The following JOSD1 variants were observed in gnomAD, a reference collection of about 807,000 sequenced individuals.
The protein encoded by JOSD1 is Josephin domain containing 1.
A neutral mutation model predicts 24.3 loss-of-function variants in JOSD1; 11 were observed. That is an observed-to-expected ratio of 0.45 (90% CI 0.29 to 0.75). The LOEUF (loss-of-function observed/expected upper bound fraction) is 0.75. Among genes scored for constraint, JOSD1 ranks in the 30% least tolerant of loss-of-function variants. The pLI is 0.11. For missense variants in JOSD1, 184 were observed against 253.5 expected, an observed-to-expected ratio of 0.73 and a Z score of 1.86; for synonymous variants, 106 against 93.8, an observed-to-expected ratio of 1.13 and a Z score of -0.75.
intron 2 of JOSD1, among the ~76,000 whole-genome samples, chr22:38,694,443 C>T (rs2092536159): frequency 6.6e-6 from 1 of 152,194 alleles, no homozygotes; most frequent in African/African-American, 2.4e-5. Context: ...TCTTGAGACT[C>T]CTTGGCAAAC....
intron 2 of JOSD1, among the ~76,000 whole-genome samples, chr22:38,692,836 A>G (rs1424297107): frequency 6.6e-6 from 1 of 151,838 alleles, no homozygotes; most frequent in African/African-American, 2.4e-5. Flanking sequence ...AACACATATG[A>G]AAGAAGGCCT....
intron 2 of JOSD1, among the ~76,000 whole-genome samples, chr22:38,699,097 A>G (rs1347536563): frequency 6.6e-6 from 1 of 152,222 alleles, no homozygotes; most frequent in Non-Finnish European, 1.5e-5. Flanking sequence ...TAAGTGGGTA[A>G]GAAAGGCCAT....
At chr22:38,693,399 G>C (rs541030720) in intron 2 of JOSD1, among the ~76,000 whole-genome samples, 2 of 152,050 alleles carry the variant, frequency 1.3e-5, no homozygotes, top group African/African-American at 4.8e-5. Flanking sequence ...GCTTCCAAGC[G>C]CTCCTTCCAC....
chr22:38,692,688 G>C (rs954225071), intron 2 of JOSD1, among the ~76,000 whole-genome samples: 1 of 150,328 alleles, frequency 6.7e-6, no homozygotes, highest in Non-Finnish European at 1.5e-5. Flanking sequence ...GGCTGAGGCA[G>C]GAGGATCGCT....
At position 38,687,930 on chromosome 22, in the gene JOSD1, G is replaced by A; in HGVS notation, c.581C>T (p.Ala194Val). The A allele has an allele frequency of 6.2e-7, 1 of 1,613,658 alleles. No homozygotes were observed. The highest frequency in any genetic ancestry group is 8.5e-7 in the Non-Finnish European group (1 of 1,179,536). Residue 194 changes from alanine to valine, a missense_variant, in exon 5 of 5, where the codon GCT (alanine) becomes GTT (valine). Coordinates refer to ENST00000683374, the MANE Select transcript of JOSD1 (RefSeq NM_001360236.2). ...CACATCGGTCCTCCAACTCTGATGA[G>A]CCTCTACCTCTTCTGGTACCACCAG... ...LLLVVPEEVE[A>V]HQSWRTDV
intron 2 of JOSD1, among the ~76,000 whole-genome samples, chr22:38,692,802 AAAAG>A (rs1374054947): frequency 9.3e-5 from 14 of 150,682 alleles, no homozygotes; most frequent in African/African-American, 1.5e-4. Context: ...AAAAAAAAAA[AAAAG>A]AAAGAAAAAA....
At chr22:38,696,299 G>A (rs116627396) in intron 2 of JOSD1, among the ~76,000 whole-genome samples, 2,898 of 151,502 alleles carry the variant, frequency 0.019, 105 homozygotes, top group African/African-American at 0.067. Context: ...GTACAGTGGT[G>A]CGATCTTGGC....
At position 38,688,977 on chromosome 22, in the gene JOSD1, T is replaced by C; in HGVS notation, c.467A>G (p.Lys156Arg). 4.3e-6 allele frequency: 7 copies of C among 1,614,088 alleles called. No individual in the cohort carries two copies. The highest frequency in any genetic ancestry group is 5.1e-6 in the Non-Finnish European group (6 of 1,180,014). ...TCCAATCCACTCGGGCATCTTGAGTTTGGAGTCGAGGTTGTAGTAGGCCCC... is the reference window on the plus strand; with the variant it reads ...TCCAATCCACTCGGGCATCTTGAGTCTGGAGTCGAGGTTGTAGTAGGCCCC... ...VGGAYYNLDSKLKMPEWIGGE... is the reference protein window; with the variant it reads ...VGGAYYNLDSRLKMPEWIGGE... The change falls in exon 4 of 5, where the codon AAA (lysine) becomes AGA (arginine). Residue 156 changes from lysine (K) to arginine (R), a missense_variant. By Grantham distance (26) the Lys-to-Arg change is conservative. Coordinates refer to ENST00000683374, the MANE Select transcript of JOSD1 (RefSeq NM_001360236.2).
rs1197246704 is a variant in JOSD1, at chr22:38,699,962, T to A, written c.26A>T (p.Asp9Val). The change falls in exon 2 of 5, where the codon GAC becomes GTC. Residue 9 changes from aspartate (D) to valine (V), a missense_variant. Physicochemically the swap from Asp to Val is radical, Grantham distance 152. Coordinates refer to ENST00000683374, the MANE Select transcript of JOSD1 (RefSeq NM_001360236.2). ...CTCCAATGATTCAGATTTGGCCTTG[T>A]CTCCTTTCCATGGCACACAACTCAT... MSCVPWKG[D>V]KAKSESLELP... The A allele has an allele frequency of 1.2e-6, 2 of 1,610,738 alleles. No homozygotes were observed. The highest frequency in any genetic ancestry group is 3.4e-5 in the Admixed American group (2 of 59,418).
intron 2 of JOSD1, among the ~76,000 whole-genome samples, chr22:38,698,825 T>C (rs2092555735): frequency 6.6e-6 from 1 of 152,192 alleles, no homozygotes; most frequent in Non-Finnish European, 1.5e-5. Flanking sequence ...GGTGCAATCT[T>C]GGCTCACTGC....
At chr22:38,688,504 C>A (rs1235425605) in intron 4 of JOSD1, among the ~76,000 whole-genome samples, 1 of 152,190 alleles carries the variant, frequency 6.6e-6, no homozygotes, top group Non-Finnish European at 1.5e-5. Flanking sequence ...CTCAGGTGAT[C>A]CACCCGCCTT....
At chr22:38,693,464 T>TTG (rs1381830090) in intron 2 of JOSD1, among the ~76,000 whole-genome samples, 1 of 152,198 alleles carries the variant, frequency 6.6e-6, no homozygotes, top group Non-Finnish European at 1.5e-5. Context: ...TCACTTCCCT[T>TTG]TGTATATATA....
chr22:38,689,532 T>C lies in JOSD1; in HGVS notation c.186-108A>G, dbSNP rs2092512782. 2.1e-6 allele frequency: 3 copies of C among 1,398,192 alleles called. No individual in the cohort carries two copies. The African/African-American group carries it at 4.3e-5, about 20-fold the overall frequency. The allele number at this position is 1,398,192 out of a possible 1,614,324, so 86.6% of individuals were successfully genotyped here. On this transcript the variant is annotated intron_variant, in intron 2 of 4. Transcript: ENST00000683374. ...TTACATCACTGCCCCTGGAAGTTAGTTTCCCCACATTCAAGTGCAATTTCC... is the reference window on the plus strand; with the variant it reads ...TTACATCACTGCCCCTGGAAGTTAGCTTCCCCACATTCAAGTGCAATTTCC...
At chr22:38,689,829 C>T (rs895095950) in intron 2 of JOSD1, among the ~76,000 whole-genome samples, 2 of 151,706 alleles carry the variant, frequency 1.3e-5, no homozygotes, top group African/African-American at 4.9e-5. Flanking sequence ...AGACAGGTGA[C>T]ATAAATGTAT....
intron 2 of JOSD1, among the ~76,000 whole-genome samples, chr22:38,699,422 A>C (rs1219928042): frequency 6.6e-6 from 1 of 152,236 alleles, no homozygotes; most frequent in African/African-American, 2.4e-5. Flanking sequence ...GCAGAGCTTT[A>C]CAGGCATTAT....
At position 38,700,063 on chromosome 22, in the gene JOSD1, G is replaced by A; in HGVS notation, c.-76C>T. ...CTAGAGGAAGAATGTAAGCTTCTCA[G>A]TCTTTTCCGGATTCCTGAGGTCCAC... On this transcript the variant is annotated 5_prime_UTR_variant, in exon 2 of 5. Coordinates refer to ENST00000683374, the MANE Select transcript of JOSD1 (RefSeq NM_001360236.2). 2.0e-6 allele frequency: 3 copies of A among 1,505,240 alleles called. No homozygotes were observed. Among genetic ancestry groups the A allele is most frequent in the Non-Finnish European group, 2.7e-6 (3 of 1,130,040 alleles). 93.2% of individuals were successfully genotyped at this position (1,505,240 alleles called of 1,614,324 possible). A position where few individuals can be genotyped will look rare whatever the true frequency, so the allele number is the denominator to read the frequency against.
intron 2 of JOSD1, among the ~76,000 whole-genome samples, chr22:38,694,430 T>C (rs2092536129): frequency 6.6e-6 from 1 of 152,150 alleles, no homozygotes; most frequent in Non-Finnish European, 1.5e-5. Flanking sequence ...CAGTGGAAAG[T>C]ATTCTTGAGA....
At chr22:38,689,190 T>G in intron 3 of JOSD1, 61 bp from the exon 4 acceptor site, 1 of 1,601,602 alleles carries the variant, frequency 6.2e-7, no homozygotes, top group South Asian at 1.1e-5. Flanking sequence ...TCCCTGGCTG[T>G]AATACCACAA....
intron 2 of JOSD1, among the ~76,000 whole-genome samples, chr22:38,694,849 G>A (rs1182025802): frequency 2.9e-5 from 4 of 136,750 alleles, no homozygotes; most frequent in East Asian, 2.1e-4. Flanking sequence ...ACAAGAGAGC[G>A]AGAGACTCAG....
Sources: allele counts gnomAD v4.1 joint callset (sites outside exome capture counted in the v4.1 genomes callset), GRCh38; gene constraint gnomAD v4.1.1; transcripts MANE v1.5; gene names NCBI Gene and HGNC (gene_info 2026-07-23, HGNC 2026-07-21).